Variants in PDE1A observed in about 807,000 individuals in gnomAD.
PDE1A encodes the protein phosphodiesterase 1A.
In PDE1A, 35 loss-of-function variants were observed where a neutral mutation model predicts 61.7. The ratio of observed to expected loss-of-function variants is 0.57; its 90% confidence interval spans 0.43 to 0.75. The LOEUF is 0.75. Ranked by LOEUF, PDE1A falls within the 30% of genes least tolerant of loss-of-function variation. The pLI, the probability that PDE1A is intolerant of heterozygous loss-of-function variation, is 0.00. For synonymous variants in PDE1A, 232 were observed against 213.2 expected (o/e 1.09, Z -0.77); for missense variants, 597 against 630.6 (o/e 0.95, Z 0.57).
At chr2:182,198,439 T>C (rs536500017) in intron 10 of PDE1A, among the ~76,000 whole-genome samples, 3 of 151,896 alleles carry the variant, frequency 2.0e-5, no homozygotes, top group Non-Finnish European at 4.4e-5. Flanking sequence ...GATCTTAGAA[T>C]AAAAATGTTC....
chr2:182,392,784 C>G (rs1452422335), intron 1 of PDE1A, among the ~76,000 whole-genome samples: 1 of 152,266 alleles, frequency 6.6e-6, no homozygotes, highest in Admixed American at 6.5e-5. Context: ...GCAGTCAAAT[C>G]TTAAAGCTCC....
chr2:182,192,249 C>G (rs1412139274), intron 10 of PDE1A, among the ~76,000 whole-genome samples: 1 of 152,062 alleles, frequency 6.6e-6, no homozygotes, highest in East Asian at 1.9e-4. Context: ...GATGACCTTC[C>G]TACAGATGGA....
intron 1 of PDE1A, among the ~76,000 whole-genome samples, chr2:182,340,098 C>T (rs1300266450): frequency 1.3e-5 from 2 of 151,964 alleles, no homozygotes; most frequent in Non-Finnish European, 2.9e-5. Flanking sequence ...TATGACAAGG[C>T]CAAGGTAAAC....
intron 2 of PDE1A, among the ~76,000 whole-genome samples, chr2:182,441,140 T>A (rs1395808506): frequency 2.6e-5 from 4 of 151,952 alleles, no homozygotes; most frequent in African/African-American, 9.7e-5. Flanking sequence ...GCAGGAGAAC[T>A]CCCATTTATA....
At chr2:182,345,870 C>T (rs1480744043) in intron 1 of PDE1A, among the ~76,000 whole-genome samples, 1 of 152,194 alleles carries the variant, frequency 6.6e-6, no homozygotes, top group African/African-American at 2.4e-5. Context: ...GCATACTCCA[C>T]CATCCAACAT....
At chr2:182,442,317 C>T (rs1684846923) in intron 2 of PDE1A, among the ~76,000 whole-genome samples, 1 of 151,890 alleles carries the variant, frequency 6.6e-6, no homozygotes, top group Admixed American at 6.6e-5. Flanking sequence ...TCAAAAAACA[C>T]AAGGAAAGGT....
chr2:182,153,720 G>T (rs535917604), intron 13 of PDE1A, among the ~76,000 whole-genome samples: 5 of 152,238 alleles, frequency 3.3e-5, no homozygotes, highest in African/African-American at 7.2e-5. Context: ...AAGAGTAGCA[G>T]GAATCAGCCA....
chr2:182,650,410 T>C, the PDE1A span, among the ~76,000 whole-genome samples: 6 of 152,176 alleles, frequency 3.9e-5, no homozygotes, highest in Non-Finnish European at 8.8e-5. Context: ...TCAATAACAT[T>C]AAAAGTTATT....
intron 2 of PDE1A, among the ~76,000 whole-genome samples, chr2:182,512,736 T>C (rs1689884056): frequency 6.6e-6 from 1 of 151,994 alleles, no homozygotes; most frequent in Non-Finnish European, 1.5e-5. Context: ...AGAGACAAAA[T>C]AGCAATTTTA....
chr2:182,376,809 T>C (rs917104581), intron 1 of PDE1A, among the ~76,000 whole-genome samples: 1 of 152,106 alleles, frequency 6.6e-6, no homozygotes, highest in Non-Finnish European at 1.5e-5. Flanking sequence ...AGCCTCAAAA[T>C]CATGACAGAA....
intron 6 of PDE1A, among the ~76,000 whole-genome samples, chr2:182,226,252 G>A (rs1689133720): frequency 6.7e-6 from 1 of 149,766 alleles, no homozygotes; most frequent in Non-Finnish European, 1.5e-5. Flanking sequence ...ATCAGAGATG[G>A]AATTAATTAG....
chr2:182,693,994 C>T, the PDE1A span, among the ~76,000 whole-genome samples: 488 of 152,198 alleles, frequency 3.2e-3, 1 homozygote, highest in African/African-American at 0.011. Context: ...TCTGATGAAG[C>T]CTGTTTTATT....
the PDE1A span, among the ~76,000 whole-genome samples, chr2:182,561,298 T>C: frequency 6.6e-6 from 1 of 152,186 alleles, no homozygotes; most frequent in Admixed American, 6.5e-5. Context: ...CCCAGCACCA[T>C]TTATTAAATA....
chr2:182,197,061 AGTT>A (rs1179054986), intron 10 of PDE1A, among the ~76,000 whole-genome samples: 1 of 151,836 alleles, frequency 6.6e-6, no homozygotes, highest in East Asian at 1.9e-4. Flanking sequence ...TGATACCTCC[AGTT>A]GTTCCTCATT....
At chr2:182,369,506 A>G (rs933417222) in intron 1 of PDE1A, among the ~76,000 whole-genome samples, 3 of 152,200 alleles carry the variant, frequency 2.0e-5, no homozygotes, top group African/African-American at 7.2e-5. Flanking sequence ...GAAACGTTTC[A>G]TGGTAGCTTC....
chr2:182,397,247 A>T, intron 1 of PDE1A, among the ~76,000 whole-genome samples: 1 of 152,188 alleles, frequency 6.6e-6, no homozygotes, highest in East Asian at 1.9e-4. Flanking sequence ...TGATGGCAAG[A>T]TGAACAGAAA....
chr2:182,479,268 A>G (rs938306854), intron 2 of PDE1A, among the ~76,000 whole-genome samples: 6 of 151,944 alleles, frequency 3.9e-5, no homozygotes, highest in African/African-American at 1.4e-4. Flanking sequence ...TTAAGGATGC[A>G]TAAAAGCAAT....
At chr2:182,672,745 C>T in the PDE1A span, among the ~76,000 whole-genome samples, 1 of 152,198 alleles carries the variant, frequency 6.6e-6, no homozygotes, top group Non-Finnish European at 1.5e-5. Flanking sequence ...GATAAGCTGC[C>T]TCTGTAGGAT....
chr2:182,151,595 G>A (rs2125274514), intron 13 of PDE1A, among the ~76,000 whole-genome samples: 1 of 152,182 alleles, frequency 6.6e-6, no homozygotes, highest in South Asian at 2.1e-4. Flanking sequence ...CACCAATTCT[G>A]CTGTATTCAT....
Sources: gnomAD v4.1 joint callset for allele counts (sites outside exome capture counted in the v4.1 genomes callset) on GRCh38, gnomAD v4.1.1 for gene constraint, MANE v1.5 for transcripts, NCBI Gene and HGNC (gene_info 2026-07-23, HGNC 2026-07-21) for gene names.